The following XRN1 variants were observed in gnomAD, a reference collection of about 807,000 sequenced individuals.
The protein encoded by XRN1 is strand-exchange protein 1 homolog.
XRN1 carries 67 observed loss-of-function variants against 222.3 expected under a neutral mutation model. That is an observed-to-expected ratio of 0.30 (90% CI 0.25 to 0.37). The LOEUF is 0.37. XRN1 is among the 10% of genes least tolerant of loss of function. XRN1 has a pLI of 1.00. For synonymous variants in XRN1, 643 were observed against 652.4 expected (o/e 0.99, Z 0.22); for missense variants, 1,707 against 2,000.2 (o/e 0.85, Z 2.80).
Position 142,336,092 on chromosome 3 carries a change from T to A in XRN1, c.3878-583A>T, listed in dbSNP as rs141779113. Among the ~76,000 whole-genome samples, 147 of 152,078 alleles carry A rather than the reference T, an allele frequency of 9.7e-4. 3 individuals carry two copies. The East Asian group carries it at 0.027, about 28-fold the overall frequency. On this transcript the variant is annotated intron_variant, in intron 33 of 40. Coordinates refer to ENST00000392981, the MANE Select transcript of XRN1 (RefSeq NM_001282857.2). ...CTGTTAAGGGGAAATTGGGGGATGG[T>A]AGGAGAAATGAAAAGAATGAATTTG...
chr3:142,339,593 G>A (rs1368402088), intron 33 of XRN1, among the ~76,000 whole-genome samples: 1 of 152,152 alleles, frequency 6.6e-6, no homozygotes, highest in Non-Finnish European at 1.5e-5. Flanking sequence ...AGGCACCAGG[G>A]ACCAATCCTG....
At chr3:142,381,563 C>CTTTT (rs766961502) in intron 22 of XRN1, among the ~76,000 whole-genome samples, 14 of 84,246 alleles carry the variant, frequency 1.7e-4, no homozygotes, top group Non-Finnish European at 2.7e-4. Context: ...TAAGTTATTG[C>CTTTT]TTTTTTTTTT....
chr3:142,429,329 T>C (rs955082718), intron 2 of XRN1, among the ~76,000 whole-genome samples: 2 of 151,930 alleles, frequency 1.3e-5, no homozygotes, highest in Non-Finnish European at 2.9e-5. Flanking sequence ...TTTGTATTTT[T>C]AGTAGAGACG....
chr3:142,380,085 C>T lies in XRN1; in HGVS notation c.2712G>A (p.Gln904=), dbSNP rs2067257291. Residue 904 remains glutamine (Q), a synonymous_variant, in exon 23 of 41, where the codon CAG becomes CAA. Coordinates refer to ENST00000392981, the MANE Select transcript of XRN1 (RefSeq NM_001282857.2). The stretch of plus-strand genomic sequence containing the variant: ...CAATACAAACTACTGTACTCACATG[C>T]TGGTTCTGTATTAAAGCATCAAGAT... The part of the protein sequence containing the change: ...EPNLDALIQN[Q]HKYSIKYNPG... 1 of 1,612,872 alleles carries T rather than the reference C, an allele frequency of 6.2e-7. No individual in the cohort carries two copies.
At chr3:142,357,855 T>C (rs142084626) in intron 30 of XRN1, among the ~76,000 whole-genome samples, 1,771 of 152,126 alleles carry the variant, frequency 0.012, 40 homozygotes, top group African/African-American at 0.041. Context: ...GGCAAACATG[T>C]TGAAACTCTG....
intron 29 of XRN1, among the ~76,000 whole-genome samples, chr3:142,364,220 T>A (rs2066746480): frequency 6.6e-6 from 1 of 152,242 alleles, no homozygotes; most frequent in South Asian, 2.1e-4. Context: ...GTGGCCCGTC[T>A]GTTCTTCCTA....
intron 20 of XRN1, among the ~76,000 whole-genome samples, chr3:142,387,815 C>T (rs1028573957): frequency 1.3e-4 from 20 of 152,080 alleles, no homozygotes; most frequent in African/African-American, 3.4e-4. Flanking sequence ...GAGGAGGATA[C>T]GGGGGTTTAT....
intron 30 of XRN1, among the ~76,000 whole-genome samples, chr3:142,357,811 CG>C (rs2066504641): frequency 1.3e-5 from 2 of 151,976 alleles, no homozygotes; most frequent in Admixed American, 1.3e-4. Context: ...CGAGGCAGGT[CG>C]ATCACTTGAG....
In XRN1 at chr3:142,312,752, A is replaced by C; in HGVS notation, c.4628T>G (p.Ile1543Arg). 1 of 1,601,546 alleles carries C rather than the reference A, an allele frequency of 6.2e-7. No homozygotes were observed. Among genetic ancestry groups the C allele is most frequent in the African/African-American group, 1.3e-5 (1 of 74,318 alleles). ...AAAGAGATGAGACGACGAAGGCATT[A>C]TATTAGCTGTTAAAAACCAAGGAAA... is the stretch of plus-strand genomic sequence containing the variant. Reference protein sequence around the residue: ...PPAFPPPTANIMPSSSHLFGS... With the variant: ...PPAFPPPTANRMPSSSHLFGS... Residue 1543 changes from isoleucine to arginine, a missense_variant, in exon 40 of 41, where the codon ATA (isoleucine) becomes AGA (arginine). Coordinates refer to ENST00000392981, the MANE Select transcript of XRN1 (RefSeq NM_001282857.2).
intron 18 of XRN1, 76 bp from the exon 19 acceptor site, chr3:142,400,623 T>A: frequency 8.5e-7 from 1 of 1,181,948 alleles, no homozygotes. Context: ...AATTTTCCAA[T>A]CTCCATTTAA....
intron 37 of XRN1, among the ~76,000 whole-genome samples, chr3:142,320,686 G>T (rs1391767655): frequency 2.0e-5 from 3 of 151,990 alleles, no homozygotes; most frequent in Non-Finnish European, 4.4e-5. Context: ...ATTGTTTCAG[G>T]TCTTACATTT....
At chr3:142,421,285 G>A in intron 9 of XRN1, 132 bp from the exon 10 acceptor site, 1 of 969,810 alleles carries the variant, frequency 1.0e-6, no homozygotes, top group Non-Finnish European at 1.5e-6. Flanking sequence ...ATATATGGGA[G>A]ACCTCATGTG....
chr3:142,350,438 A>AT (rs2066273396), intron 32 of XRN1, among the ~76,000 whole-genome samples: 1 of 152,178 alleles, frequency 6.6e-6, no homozygotes, highest in Non-Finnish European at 1.5e-5. Context: ...GAGGTGACAC[A>AT]TCAATATTGT....
intron 1 of XRN1, among the ~76,000 whole-genome samples, chr3:142,436,229 G>A (rs1424022594): frequency 6.6e-6 from 1 of 152,080 alleles, no homozygotes; most frequent in Non-Finnish European, 1.5e-5. Context: ...AAAAATTAAA[G>A]AGACTGATGT....
chr3:142,412,456 G>A (rs764715394), intron 15 of XRN1, 88 bp downstream of exon 15: 1 of 1,380,328 alleles, frequency 7.2e-7, no homozygotes, highest in Non-Finnish European at 9.5e-7. Flanking sequence ...AACATAAATG[G>A]TGATTAAAAC....
At chr3:142,347,426 T>C (rs1256918930) in intron 32 of XRN1, 84 bp from the exon 33 acceptor site, 2 of 868,318 alleles carry the variant, frequency 2.3e-6, no homozygotes, top group African/African-American at 3.5e-5. Flanking sequence ...AATACATTTT[T>C]ATAAAAATTA....
chr3:142,307,299 T>G lies in XRN1; in HGVS notation c.*4212A>C, dbSNP rs1577190903. 6.6e-6 allele frequency: 1 copy of G among 152,164 alleles called. No individual in the cohort carries two copies. The highest frequency in any genetic ancestry group is 6.5e-5 in the Admixed American group (1 of 15,274). 9.4% of individuals were successfully genotyped at this position (152,164 alleles called of 1,614,324 possible). ...TACTAAAACAGCTACAGAAACCTAT[T>G]TGGCCTGGACAATTTAATAGTATAC... On this transcript the variant is annotated 3_prime_UTR_variant, in exon 41 of 41. Coordinates refer to ENST00000392981, the MANE Select transcript of XRN1 (RefSeq NM_001282857.2).
chr3:142,309,493 G>C lies in XRN1; in HGVS notation c.*2018C>G, dbSNP rs1365256990. ...CCTGCCTTAGCCTCCCGAAGTGCTG[G>C]GATTTGAGCCACTGCGCCTGGCTGG... On this transcript the variant is annotated 3_prime_UTR_variant, in exon 41 of 41. Transcript: ENST00000392981. 6.6e-6 allele frequency: 1 copy of C among 152,258 alleles called. No individual in the cohort carries two copies. Among genetic ancestry groups the C allele is most frequent in the Non-Finnish European group, 1.5e-5 (1 of 68,100 alleles). 9.4% of individuals were successfully genotyped at this position (152,258 alleles called of 1,614,324 possible).
intron 29 of XRN1, among the ~76,000 whole-genome samples, chr3:142,364,578 TAC>T (rs1369815145): frequency 1.3e-5 from 2 of 152,188 alleles, no homozygotes; most frequent in Admixed American, 6.5e-5. Flanking sequence ...CAAATTAATA[TAC>T]ACATTTAATT....
Sources: gnomAD v4.1 joint callset for allele counts (sites outside exome capture counted in the v4.1 genomes callset) on GRCh38, gnomAD v4.1.1 for gene constraint, MANE v1.5 for transcripts, NCBI Gene and HGNC (gene_info 2026-07-23, HGNC 2026-07-21) for gene names.